GTPBP10: variants seen among roughly 807,000 people sequenced by gnomAD.
GTPBP10 encodes GTP-binding protein 10.
Under a neutral mutation model 44.8 loss-of-function variants are expected in GTPBP10, and 38 were observed. The ratio of observed to expected loss-of-function variants is 0.85; its 90% CI spans 0.65 to 1.11. The LOEUF is 1.11. GTPBP10 is among the 50% of genes most tolerant of loss of function. The pLI is 0.00. For synonymous variants in GTPBP10, 152 were observed against 150.6 expected (o/e 1.01, Z -0.07); for missense variants, 462 against 453.7 (o/e 1.02, Z -0.17).
At chr7:90,384,832 T>A (rs1796494116) in intron 9 of GTPBP10, 60 bp from the exon 10 acceptor site, 1 of 1,504,060 alleles carries the variant, frequency 6.6e-7, no homozygotes, top group Non-Finnish European at 8.9e-7. Flanking sequence ...ACCATTAACA[T>A]GGTTTTAACT....
At chr7:90,352,365 A>G (rs1474655925) in intron 1 of GTPBP10, among the ~76,000 whole-genome samples, 1 of 152,260 alleles carries the variant, frequency 6.6e-6, no homozygotes, top group African/African-American at 2.4e-5. Context: ...ATATGTAAGA[A>G]CAAGTTTCAT....
rs1467647022 is a variant in GTPBP10 at position 90,391,213 on chromosome 7, T to A, written c.*6059T>A. Reference sequence around the variant, plus strand: ...AAACTCCCCCATGATTTCCTCATGTTGCTTAGAATAGTGTGTATTTCAGAA... The same window carrying A: ...AAACTCCCCCATGATTTCCTCATGTAGCTTAGAATAGTGTGTATTTCAGAA... On this transcript the variant is annotated 3_prime_UTR_variant, in exon 10 of 10. Coordinates refer to ENST00000222511, the MANE Select transcript of GTPBP10 (RefSeq NM_033107.4). The A allele has an allele frequency of 6.6e-6, 1 of 152,188 alleles. No homozygotes were observed. Among genetic ancestry groups the A allele is most frequent in the Non-Finnish European group, 1.5e-5 (1 of 68,020 alleles). 9.4% of individuals were successfully genotyped at this position (152,188 alleles called of 1,614,324 possible).
chr7:90,368,666 A>C (rs1251640800), intron 4 of GTPBP10, among the ~76,000 whole-genome samples: 1 of 152,152 alleles, frequency 6.6e-6, no homozygotes, highest in Admixed American at 6.5e-5. Flanking sequence ...ACTTCTCTAC[A>C]CTGTTTATTC....
intron 5 of GTPBP10, among the ~76,000 whole-genome samples, chr7:90,373,529 G>A (rs1796296725): frequency 6.6e-6 from 1 of 152,182 alleles, no homozygotes; most frequent in Non-Finnish European, 1.5e-5. Context: ...TGGACTAAGT[G>A]CTATAAATCA....
chr7:90,347,261 A>G (rs949234270), intron 1 of GTPBP10, among the ~76,000 whole-genome samples: 1 of 152,176 alleles, frequency 6.6e-6, no homozygotes, highest in African/African-American at 2.4e-5. Flanking sequence ...AAAATTTACA[A>G]CTGCTTTGAA....
chr7:90,387,790 TAA>T lies in GTPBP10; in HGVS notation c.*2637_*2638del, dbSNP rs1381346294. Reference sequence around the variant, plus strand: ...GAATAGCCTCTTTACAAGAAAAGAATAAGAGTGAGGAAAAGCGTTTGGAATTT... The same window carrying T: ...GAATAGCCTCTTTACAAGAAAAGAATGAGTGAGGAAAAGCGTTTGGAATTT... On this transcript the variant is annotated 3_prime_UTR_variant, in exon 10 of 10. Transcript: ENST00000222511. The T allele has an allele frequency of 6.6e-6, 1 of 152,202 alleles. No individual in the cohort carries two copies. The highest frequency in any genetic ancestry group is 1.5e-5 in the Non-Finnish European group (1 of 68,038). The allele number at this position is 152,202 out of a possible 1,614,324, so 9.4% of individuals were successfully genotyped here.
chr7:90,370,992 C>T (rs1038160368), intron 4 of GTPBP10, among the ~76,000 whole-genome samples: 11 of 144,030 alleles, frequency 7.6e-5, no homozygotes, highest in South Asian at 4.4e-4. Flanking sequence ...GGCAACAGAG[C>T]GAGACTCCAT....
At chr7:90,364,798 T>G (rs748273041) in intron 4 of GTPBP10, among the ~76,000 whole-genome samples, 7 of 152,124 alleles carry the variant, frequency 4.6e-5, no homozygotes, top group Non-Finnish European at 7.4e-5. Context: ...CCAGGTGGCT[T>G]TGTTACCTAC....
intron 8 of GTPBP10, among the ~76,000 whole-genome samples, chr7:90,380,320 C>T (rs755452283): frequency 2.0e-5 from 3 of 152,112 alleles, no homozygotes; most frequent in Non-Finnish European, 4.4e-5. Context: ...CTCAGGTGAT[C>T]CGCCCACCTG....
At chr7:90,372,339 A>G (rs1378763385) in intron 5 of GTPBP10, 111 bp downstream of exon 5, 1 of 751,422 alleles carries the variant, frequency 1.3e-6, no homozygotes, top group Admixed American at 2.8e-5. Flanking sequence ...TAACTGAAAA[A>G]TTTTTGGCAG....
intron 6 of GTPBP10, among the ~76,000 whole-genome samples, chr7:90,374,798 T>C (rs1796316137): frequency 6.6e-6 from 1 of 152,190 alleles, no homozygotes; most frequent in African/African-American, 2.4e-5. Flanking sequence ...CAGTGGATCT[T>C]CTGTATAATT....
chr7:90,389,015 A>G lies in GTPBP10; in HGVS notation c.*3861A>G, dbSNP rs553683035. The stretch of plus-strand genomic sequence containing the variant: ...TTAGTAATATAACTTGTGTAAACCT[A>G]CACAAAAGATAAAAGATATCTTATT... On this transcript the variant is annotated 3_prime_UTR_variant, in exon 10 of 10. Transcript: ENST00000222511. 2 of 152,390 alleles carry G rather than the reference A, an allele frequency of 1.3e-5. No individual in the cohort carries two copies. Among genetic ancestry groups the G allele is most frequent in the Admixed American group, 1.3e-4 (2 of 15,308 alleles). 9.4% of individuals were successfully genotyped at this position (152,390 alleles called of 1,614,324 possible).
At position 90,386,600 on chromosome 7, in the gene GTPBP10, G is replaced by A. The variant is rs1022745193; in HGVS notation, c.*1446G>A. 9.2e-5 allele frequency: 14 copies of A among 152,210 alleles called. No individual in the cohort carries two copies. The highest frequency in any genetic ancestry group is 3.1e-4 in the African/African-American group (13 of 41,436). The allele number at this position is 152,210 out of a possible 1,614,324, so 9.4% of individuals were successfully genotyped here. A position where few individuals can be genotyped will look rare whatever the true frequency, so the allele number is the denominator to read the frequency against. On this transcript the variant is annotated 3_prime_UTR_variant, in exon 10 of 10. Coordinates refer to ENST00000222511, the MANE Select transcript of GTPBP10 (RefSeq NM_033107.4). ...ATAGCGGTACATGCCTGTAATCCTA[G>A]CACTTTGGGATGCCAAGGCGGGAGG...
Position 90,374,295 on chromosome 7 carries a change from CT to C in GTPBP10, c.539-3del. ...TAGCCTTAATTTATTGCTGTGTTTC[CT>C]TTTAGTTACAACATTAAAGCCTGAA... is the stretch of plus-strand genomic sequence containing the variant. On this transcript the variant is annotated splice_polypyrimidine_tract_variant and splice_region_variant and intron_variant, in intron 5 of 9. Coordinates refer to ENST00000222511, the MANE Select transcript of GTPBP10 (RefSeq NM_033107.4). 1 of 1,584,548 alleles carries C rather than the reference CT, an allele frequency of 6.3e-7. No individual in the cohort carries two copies. Among genetic ancestry groups the C allele is most frequent in the Non-Finnish European group, 8.7e-7 (1 of 1,154,432 alleles).
intron 9 of GTPBP10, chr7:90,383,799 A>T (rs1170493996): frequency 6.6e-6 from 1 of 152,206 alleles, no homozygotes; most frequent in African/African-American, 2.4e-5. Flanking sequence ...TATGTGGCTA[A>T]CATGTTTTTC....
At chr7:90,357,713 G>T (rs1295353028) in intron 4 of GTPBP10, among the ~76,000 whole-genome samples, 1 of 152,110 alleles carries the variant, frequency 6.6e-6, no homozygotes, top group African/African-American at 2.4e-5. Flanking sequence ...ATAAATATTT[G>T]TTGGATAAAT....
chr7:90,356,695 T>C (rs189173112), intron 4 of GTPBP10, among the ~76,000 whole-genome samples: 426 of 152,304 alleles, frequency 2.8e-3, no homozygotes, highest in Non-Finnish European at 3.8e-3. Flanking sequence ...CACCACGTCA[T>C]TTGTTTTCTC....
chr7:90,355,508 A>G (rs1371398990), intron 4 of GTPBP10, among the ~76,000 whole-genome samples: 1 of 152,186 alleles, frequency 6.6e-6, no homozygotes, highest in Non-Finnish European at 1.5e-5. Context: ...ATCAAATGCA[A>G]TATTACAAGA....
chr7:90,378,330 A>G, intron 8 of GTPBP10, 119 bp downstream of exon 8: 3 of 1,253,986 alleles, frequency 2.4e-6, no homozygotes, highest in Non-Finnish European at 3.2e-6. Context: ...GATGTCAGTT[A>G]AAGAATTACT....
Sources: allele counts gnomAD v4.1 joint callset (sites outside exome capture counted in the v4.1 genomes callset), GRCh38; gene constraint gnomAD v4.1.1; transcripts MANE v1.5; gene names NCBI Gene and HGNC (gene_info 2026-07-23, HGNC 2026-07-21).